Variants in UPF2 observed in about 807,000 individuals in gnomAD.
UPF2 encodes UPF2 regulator of nonsense mediated mRNA decay.
UPF2 carries 17 observed loss-of-function variants against 141.4 expected under a neutral mutation model. That is an observed-to-expected ratio of 0.12 (90% CI 0.08 to 0.18). The LOEUF (loss-of-function observed/expected upper bound fraction) is 0.18, where lower values mean the gene tolerates loss of function less well. UPF2 is among the 10% of genes least tolerant of loss of function. The pLI, the probability that UPF2 is intolerant of heterozygous loss-of-function variation, is 1.00. For synonymous variants in UPF2, 540 were observed against 498.0 expected (o/e 1.08, Z -1.12); for missense variants, 1,152 against 1,515.9 (o/e 0.76, Z 3.99).
Position 11,931,913 on chromosome 10 carries a change from G to T in UPF2, c.3547-131C>A. On this transcript the variant is annotated intron_variant, in intron 19 of 21. Transcript: ENST00000357604. The surrounding 1 kb of genome is among the most constrained non-coding windows in gnomAD (Gnocchi z 5.9). ...CGCCTGTAATCCCAGCACTTTGGGAGGCCGAGGCGGGCGGATCACGAGGTC... is the reference window on the plus strand; with the variant it reads ...CGCCTGTAATCCCAGCACTTTGGGATGCCGAGGCGGGCGGATCACGAGGTC... The T allele has an allele frequency of 3.3e-6, 3 of 913,636 alleles. No individual in the cohort carries two copies. Among genetic ancestry groups the T allele is most frequent in the Non-Finnish European group, 4.7e-6 (3 of 637,024 alleles). The allele number at this position is 913,636 out of a possible 1,614,324, so 56.6% of individuals were successfully genotyped here.
At chr10:12,004,492 A>G (rs1834002602) in intron 5 of UPF2, 38 bp downstream of exon 5, 2 of 1,504,428 alleles carry the variant, frequency 1.3e-6, no homozygotes, top group Non-Finnish European at 1.8e-6. Context: ...GCTAATTCTT[A>G]TAGCACTTAA....
chr10:12,001,576 T>TA, intron 6 of UPF2, 100 bp downstream of exon 6: 1 of 1,207,356 alleles, frequency 8.3e-7, no homozygotes, highest in African/African-American at 1.5e-5. Context: ...AACAAGGAAT[T>TA]AAAAAATACA....
At chr10:12,022,154 G>A (rs1164573050) in intron 3 of UPF2, among the ~76,000 whole-genome samples, 5 of 151,020 alleles carry the variant, frequency 3.3e-5, no homozygotes, top group African/African-American at 4.9e-5. Context: ...GCTCACTCCT[G>A]TAATCCTACC....
At chr10:11,927,553 C>T (rs1423527868) in intron 21 of UPF2, among the ~76,000 whole-genome samples, 1 of 152,150 alleles carries the variant, frequency 6.6e-6, no homozygotes, top group Non-Finnish European at 1.5e-5. Flanking sequence ...AGGAAATGAA[C>T]ATTTTTCATT....
chr10:11,972,273 A>ATGAAGTT (rs1389532626), intron 9 of UPF2, among the ~76,000 whole-genome samples: 4 of 152,216 alleles, frequency 2.6e-5, no homozygotes, highest in Non-Finnish European at 5.9e-5. Context: ...TTTGTTTTAC[A>ATGAAGTT]TGAAGTTTAT....
At chr10:11,999,741 A>G (rs969632247) in intron 7 of UPF2, among the ~76,000 whole-genome samples, 165 bp downstream of exon 7, 1 of 152,184 alleles carries the variant, frequency 6.6e-6, no homozygotes. Flanking sequence ...GCATCTATGA[A>G]TTACATCCAA....
intron 21 of UPF2, among the ~76,000 whole-genome samples, chr10:11,928,518 G>A (rs1000570748): frequency 7.2e-5 from 11 of 151,906 alleles, no homozygotes; most frequent in African/African-American, 2.7e-4. Flanking sequence ...GACCATCCTG[G>A]CTAACACGGT....
intron 3 of UPF2, among the ~76,000 whole-genome samples, chr10:12,023,579 A>G (rs994879267): frequency 4.0e-5 from 6 of 150,810 alleles, no homozygotes; most frequent in Non-Finnish European, 5.9e-5. Context: ...AATCCCAGTT[A>G]CTCGGGAGGC....
intron 3 of UPF2, among the ~76,000 whole-genome samples, chr10:12,026,083 C>T (rs912904474): frequency 2.6e-5 from 4 of 152,068 alleles, no homozygotes; most frequent in African/African-American, 9.7e-5. Context: ...CGTGAGCCAC[C>T]GCACCCTGCC....
chr10:12,039,160 G>A lies in UPF2; in HGVS notation c.-19+3595C>T, dbSNP rs527736952. On this transcript the variant is annotated intron_variant, in intron 1 of 21. Coordinates refer to ENST00000357604, the MANE Select transcript of UPF2 (RefSeq NM_015542.4). ...TCATTTAATACTAAAATCTTTATGA[G>A]GTGGGTATTATTTTCCCTATTTTAT... 2.1e-3 allele frequency among the ~76,000 whole-genome samples: 324 copies of A among 152,174 alleles called. 3 individuals carry two copies. The highest frequency in any genetic ancestry group is 3.4e-3 in the Non-Finnish European group (230 of 67,998).
At chr10:11,965,618 C>T (rs1833306287) in intron 10 of UPF2, among the ~76,000 whole-genome samples, 1 of 152,084 alleles carries the variant, frequency 6.6e-6, no homozygotes, top group Non-Finnish European at 1.5e-5. Flanking sequence ...TGCCACCACT[C>T]CCGGCTAATT....
intron 4 of UPF2, among the ~76,000 whole-genome samples, chr10:12,009,662 G>C (rs1231068443): frequency 6.6e-6 from 1 of 152,150 alleles, no homozygotes; most frequent in Non-Finnish European, 1.5e-5. Flanking sequence ...GATTTTTCCA[G>C]GCTGTGGCCA....
intron 8 of UPF2, among the ~76,000 whole-genome samples, chr10:11,988,104 T>C (rs1189630380): frequency 6.6e-6 from 1 of 152,180 alleles, no homozygotes. Context: ...AGGCTGTGAA[T>C]AGATACTTCT....
intron 5 of UPF2, among the ~76,000 whole-genome samples, chr10:12,002,459 TCA>T (rs1486039440): frequency 6.6e-6 from 1 of 152,134 alleles, no homozygotes; most frequent in Admixed American, 6.6e-5. Flanking sequence ...TAAAGTGGAC[TCA>T]CATTAAAAAG....
At chr10:11,965,719 A>G (rs543099837) in intron 10 of UPF2, among the ~76,000 whole-genome samples, 16 of 152,292 alleles carry the variant, frequency 1.1e-4, no homozygotes, top group Admixed American at 2.0e-4. Flanking sequence ...TCGGCCTCCC[A>G]AAGTGCTGGG....
intron 8 of UPF2, among the ~76,000 whole-genome samples, chr10:11,987,975 T>A (rs1403330456): frequency 6.6e-6 from 1 of 151,920 alleles, no homozygotes. Flanking sequence ...AAAAGACAAC[T>A]CAGAGGATGG....
chr10:11,952,128 T>C lies in UPF2; in HGVS notation c.2972A>G (p.Asn991Ser). The C allele has an allele frequency of 6.2e-7, 1 of 1,614,100 alleles. No homozygotes were observed. Among genetic ancestry groups the C allele is most frequent in the Non-Finnish European group, 8.5e-7 (1 of 1,179,976 alleles). ...ELLRPKIKLC[N>S]SLEESIRQVQ... ...CTGCCTGATGGATTCTTCCAGAGAA[T>C]TACAGAGTTTGATCTTTGGTCTTAG... Residue 991 changes from asparagine to serine, a missense_variant, in exon 15 of 22, where the codon AAT becomes AGT. By Grantham distance (46) the Asn-to-Ser change is conservative. Coordinates refer to ENST00000357604, the MANE Select transcript of UPF2 (RefSeq NM_015542.4).
At chr10:12,038,881 T>C (rs778224681) in intron 1 of UPF2, among the ~76,000 whole-genome samples, 1 of 152,168 alleles carries the variant, frequency 6.6e-6, no homozygotes, top group Non-Finnish European at 1.5e-5. Flanking sequence ...CTGGCTGGTC[T>C]CACACTCCCG....
intron 9 of UPF2, among the ~76,000 whole-genome samples, chr10:11,977,272 G>A (rs2131223994): frequency 6.6e-6 from 1 of 152,304 alleles, no homozygotes; most frequent in East Asian, 1.9e-4. Context: ...GATGTGAGTG[G>A]TGAATGTGTT....
Sources: allele counts gnomAD v4.1 joint callset (sites outside exome capture counted in the v4.1 genomes callset), GRCh38; gene constraint gnomAD v4.1.1; non-coding constraint Gnocchi (gnomAD v3.1); transcripts MANE v1.5; gene names NCBI Gene and HGNC (gene_info 2026-07-23, HGNC 2026-07-21).